MAN2A2: variants seen among roughly 807,000 people sequenced by gnomAD.
MAN2A2 encodes mannosidase alpha class 2A member 2, also known as alpha-mannosidase 2x.
A neutral mutation model predicts 126.8 loss-of-function variants in MAN2A2; 79 were observed. The ratio of observed to expected loss-of-function variants is 0.62; its 90% confidence interval spans 0.52 to 0.75. The LOEUF (loss-of-function observed/expected upper bound fraction) is 0.75, where lower values mean the gene tolerates loss of function less well. Ranked by LOEUF, MAN2A2 falls within the 30% of genes least tolerant of loss-of-function variation. The pLI is 0.00. For missense variants in MAN2A2, 1,392 were observed against 1,522.4 expected (o/e 0.91, Z 1.43); for synonymous variants, 671 against 618.7 (o/e 1.08, Z -1.25).
chr15:90,916,040 C>A, intron 19 of MAN2A2, 83 bp from the exon 20 acceptor site: 1 of 1,489,452 alleles, frequency 6.7e-7, no homozygotes, highest in Non-Finnish European at 9.2e-7. Context: ...TCCGTCAGGG[C>A]CTGTGGCTTG....
rs771315543 is a variant in MAN2A2 at position 90,918,428 on chromosome 15, T to C, written c.3189+40T>C. 4.4e-6 allele frequency: 7 copies of C among 1,587,716 alleles called. No homozygotes were observed. In the East Asian group the frequency reaches 1.6e-4, roughly 36 times the overall value. On this transcript the variant is annotated intron_variant, in intron 21 of 22. Transcript: ENST00000559717. ...GCGTGACATGCTGAGAGCAGAGTTCTGATGGTGTCCCTCCCTGCTCAGCTC... is the reference window on the plus strand; with the variant it reads ...GCGTGACATGCTGAGAGCAGAGTTCCGATGGTGTCCCTCCCTGCTCAGCTC...
chr15:90,918,579 G>A, intron 21 of MAN2A2, 66 bp from the exon 22 acceptor site: 1 of 1,283,832 alleles, frequency 7.8e-7, no homozygotes, highest in Non-Finnish European at 1.1e-6. Context: ...CTGGGCAGAG[G>A]CGCTGCTGCA....
intron 11 of MAN2A2, 35 bp downstream of exon 11, chr15:90,910,718 T>G: frequency 6.2e-7 from 1 of 1,610,744 alleles, no homozygotes. Flanking sequence ...TAAGCTCCCC[T>G]GCTCACTGTC....
At chr15:90,914,612 C>T (rs1391074637) in intron 19 of MAN2A2, among the ~76,000 whole-genome samples, 2 of 152,162 alleles carry the variant, frequency 1.3e-5, no homozygotes, top group Admixed American at 6.5e-5. Flanking sequence ...CTCCGCCTTC[C>T]GATTTGAAGC....
At chr15:90,911,646 C>A in intron 14 of MAN2A2, 96 bp downstream of exon 14, 1 of 1,347,422 alleles carries the variant, frequency 7.4e-7, no homozygotes, top group Non-Finnish European at 1.0e-6. Context: ...TGCTTGTGGC[C>A]CTGCTACTCT....
chr15:90,905,431 C>T lies in MAN2A2; in HGVS notation c.313C>T (p.Arg105Trp), dbSNP rs566619468. 3.8e-5 allele frequency: 62 copies of T among 1,613,804 alleles called. No individual in the cohort carries two copies. Among genetic ancestry groups the T allele is most frequent in the Middle Eastern group, 3.3e-4 (2 of 6,058 alleles). Residue 105 changes from arginine to tryptophan, a missense_variant, in exon 3 of 23, where the codon CGG becomes TGG. Coordinates refer to ENST00000559717, the MANE Select transcript of MAN2A2 (RefSeq NM_006122.4). ...CTCCTGGGTGGTGCCACCGGAGCCC[C>T]GGCCCAGCTTCTTCTCCATCTCCCC... is the stretch of plus-strand genomic sequence containing the variant. ...NGSWVVPPEP[R>W]PSFFSISPQD...
rs567132583 is a variant in MAN2A2 at position 90,917,985 on chromosome 15, G to C, written c.2995-209G>C. The C allele has an allele frequency of 4.7e-5, 27 of 575,404 alleles. No homozygotes were observed. In the East Asian group the frequency reaches 5.9e-4, roughly 13 times the overall value. 35.6% of individuals were successfully genotyped at this position (575,404 alleles called of 1,614,324 possible). On this transcript the variant is annotated intron_variant, in intron 20 of 22. Coordinates refer to ENST00000559717, the MANE Select transcript of MAN2A2 (RefSeq NM_006122.4). Reference sequence around the variant, plus strand: ...AAAAGTAGAGAAGAAACAGCTTAGTGAAGTAGCCCTCTGCGTTAGGGGAGA... The same window carrying C: ...AAAAGTAGAGAAGAAACAGCTTAGTCAAGTAGCCCTCTGCGTTAGGGGAGA...
intron 19 of MAN2A2, 51 bp downstream of exon 19, chr15:90,913,806 G>A (rs374522193): frequency 8.5e-5 from 130 of 1,527,870 alleles, no homozygotes; most frequent in Middle Eastern, 3.5e-4. Context: ...AAAGAAGCCC[G>A]TCCCCACCCT....
intron 8 of MAN2A2, among the ~76,000 whole-genome samples, chr15:90,907,796 C>T (rs1425600349): frequency 6.6e-6 from 1 of 152,248 alleles, no homozygotes; most frequent in African/African-American, 2.4e-5. Context: ...GCTCATGTGC[C>T]TTCACTTAGT....
At position 90,906,759 on chromosome 15, in the gene MAN2A2, C is replaced by T; in HGVS notation, c.855C>T (p.Gly285=). Residue 285 remains glycine, a synonymous_variant, in exon 7 of 23, where the codon GGC becomes GGT. Coordinates refer to ENST00000559717, the MANE Select transcript of MAN2A2 (RefSeq NM_006122.4). ...ERNLGATPRS[G]WAVDPFGYSS... is the part of the protein sequence containing the mutation. ...GCCCAGGTGCAACCCCCCGCTCTGG[C>T]TGGGCAGTGGACCCCTTTGGATACA... 2 of 1,612,926 alleles carry T rather than the reference C, an allele frequency of 1.2e-6. No homozygotes were observed. Among genetic ancestry groups the T allele is most frequent in the Non-Finnish European group, 8.5e-7 (1 of 1,179,946 alleles).
rs2035523708 is a variant in MAN2A2, at chr15:90,921,101, C to T, written c.*1314C>T. On this transcript the variant is annotated 3_prime_UTR_variant, in exon 23 of 23. Coordinates refer to ENST00000559717, the MANE Select transcript of MAN2A2 (RefSeq NM_006122.4). Reference sequence around the variant, plus strand: ...GCTATTATTCAGCAGTGTCCCGGCACTACTAACCCCTGCAACAAGCCAGAT... The same window carrying T: ...GCTATTATTCAGCAGTGTCCCGGCATTACTAACCCCTGCAACAAGCCAGAT... The T allele has an allele frequency of 6.6e-6, 1 of 152,158 alleles. No homozygotes were observed. The highest frequency in any genetic ancestry group is 1.9e-4 in the East Asian group (1 of 5,196). The allele number at this position is 152,158 out of a possible 1,614,324, so 9.4% of individuals were successfully genotyped here. A position where few individuals can be genotyped will look rare whatever the true frequency, so the allele number is the denominator to read the frequency against.
At chr15:90,913,200 TCC>T in intron 17 of MAN2A2, 71 bp from the exon 18 acceptor site, 2 of 1,560,660 alleles carry the variant, frequency 1.3e-6, no homozygotes, top group Non-Finnish European at 1.7e-6. Context: ...TCGGCTCTGA[TCC>T]CCCAGCCCAG....
intron 5 of MAN2A2, 123 bp downstream of exon 5, chr15:90,906,139 T>A (rs535440311): frequency 1.1e-5 from 15 of 1,413,764 alleles, no homozygotes; most frequent in East Asian, 4.6e-5. Context: ...GTGGAAGAGA[T>A]GAGTGATGGT....
At position 90,911,249 on chromosome 15, in the gene MAN2A2, C is replaced by G; in HGVS notation, c.1943+11C>G. 1.9e-6 allele frequency: 3 copies of G among 1,614,062 alleles called. No homozygotes were observed. Among genetic ancestry groups the G allele is most frequent in the Non-Finnish European group, 2.5e-6 (3 of 1,179,962 alleles). ...GGATTCCTCGCCCAGGTAACCTGGACTACGCCATGTGCAGAGAGGCAGAGC... is the reference window on the plus strand; with the variant it reads ...GGATTCCTCGCCCAGGTAACCTGGAGTACGCCATGTGCAGAGAGGCAGAGC... On this transcript the variant is annotated intron_variant, in intron 13 of 22. Coordinates refer to ENST00000559717, the MANE Select transcript of MAN2A2 (RefSeq NM_006122.4).
Position 90,916,352 on chromosome 15 carries a change from G to A in MAN2A2, c.2994+96G>A. The A allele has an allele frequency of 8.8e-6, 13 of 1,481,030 alleles. No individual in the cohort carries two copies. In the South Asian group the frequency reaches 1.5e-4, roughly 17 times the overall value. The allele number at this position is 1,481,030 out of a possible 1,614,324, so 91.7% of individuals were successfully genotyped here. A position where few individuals can be genotyped will look rare whatever the true frequency, so the allele number is the denominator to read the frequency against. On this transcript the variant is annotated intron_variant, in intron 20 of 22. Coordinates refer to ENST00000559717, the MANE Select transcript of MAN2A2 (RefSeq NM_006122.4). ...TAGGGCTCGAGGAGCGTAGTTGGAG[G>A]TGGGCAAGAGAGAGAGAGTAGGGCT...
At chr15:90,905,553 G>T in intron 3 of MAN2A2, 26 bp from the exon 4 acceptor site, 1 of 1,614,164 alleles carries the variant, frequency 6.2e-7, no homozygotes, top group Non-Finnish European at 8.5e-7. Flanking sequence ...CACGACTGGG[G>T]TACTGAGCTG....
At chr15:90,916,551 C>G in intron 20 of MAN2A2, 4 of 1,404,086 alleles carry the variant, frequency 2.8e-6, no homozygotes, top group Non-Finnish European at 3.8e-6. Flanking sequence ...TGTGCTCCAA[C>G]CCCGCTCATC....
At chr15:90,911,886 G>A in intron 14 of MAN2A2, 157 bp from the exon 15 acceptor site, 1 of 687,418 alleles carries the variant, frequency 1.5e-6, no homozygotes, top group Non-Finnish European at 2.5e-6. Flanking sequence ...AGTCTGATGA[G>A]GAAGAAAGGG....
Position 90,911,219 on chromosome 15 carries a change from C to T in MAN2A2, c.1924C>T (p.Gln642Ter). The T allele has an allele frequency of 6.2e-7, 1 of 1,614,100 alleles. No homozygotes were observed. Among genetic ancestry groups the T allele is most frequent in the Non-Finnish European group, 8.5e-7 (1 of 1,180,012 alleles). Residue 642 changes from glutamine (Q) to a stop codon, truncating the protein, a stop_gained, in exon 13 of 23, where the codon CAG becomes TAG. Transcript: ENST00000559717. LOFTEE classifies it high-confidence loss of function. Reference sequence around the variant, plus strand: ...CGCCCTCCCAGAGCGCACGGTGATCCAGCTGGATTCCTCGCCCAGGTAACC... The same window carrying T: ...CGCCCTCCCAGAGCGCACGGTGATCTAGCTGGATTCCTCGCCCAGGTAACC... ...HDALPERTVI[Q>*]LDSSPRFVVL... is the part of the protein sequence containing the mutation.
Sources: allele counts gnomAD v4.1 joint callset (sites outside exome capture counted in the v4.1 genomes callset), GRCh38; gene constraint gnomAD v4.1.1; transcripts MANE v1.5; gene names NCBI Gene and HGNC (gene_info 2026-07-23, HGNC 2026-07-21).